The following EBF1 variants were observed in gnomAD, a reference collection of about 807,000 sequenced individuals.
EBF1 encodes the protein transcription factor COE1.
A neutral mutation model predicts 68.4 loss-of-function variants in EBF1; 10 were observed. That is an observed-to-expected ratio of 0.15 (90% CI 0.09 to 0.25). The LOEUF (loss-of-function observed/expected upper bound fraction) is 0.25, where lower values mean the gene tolerates loss of function less well. Ranked by LOEUF, EBF1 falls within the 10% of genes least tolerant of loss-of-function variation. The pLI is 1.00. For synonymous variants in EBF1, 298 were observed against 299.8 expected, an observed-to-expected ratio of 0.99 and a Z score of 0.06; for missense variants, 509 against 794.4, an observed-to-expected ratio of 0.64 and a Z score of 4.32.
chr5:158,800,931 T>C (rs898023976), intron 8 of EBF1, among the ~76,000 whole-genome samples: 36 of 152,302 alleles, frequency 2.4e-4, no homozygotes, highest in African/African-American at 8.2e-4. Context: ...AAATTTTTGA[T>C]TTAATTAATA....
intron 10 of EBF1, among the ~76,000 whole-genome samples, chr5:158,772,397 T>C (rs1774046800): frequency 6.6e-6 from 1 of 152,112 alleles, no homozygotes; most frequent in South Asian, 2.1e-4. Context: ...GGTGATAGGC[T>C]GTACTCCTGT....
intron 9 of EBF1, among the ~76,000 whole-genome samples, chr5:158,793,040 C>T (rs1206879859): frequency 6.6e-6 from 1 of 152,158 alleles, no homozygotes; most frequent in African/African-American, 2.4e-5. Context: ...AGAAGGTAAG[C>T]CCTGGGGTTG....
chr5:159,001,574 T>A (rs953475839), intron 6 of EBF1, among the ~76,000 whole-genome samples: 52 of 152,280 alleles, frequency 3.4e-4, no homozygotes, highest in Admixed American at 2.9e-3. Context: ...CTGTTATGAG[T>A]CCTTAACACA....
chr5:158,937,886 T>G (rs956995290), intron 6 of EBF1, among the ~76,000 whole-genome samples: 1 of 152,160 alleles, frequency 6.6e-6, no homozygotes, highest in African/African-American at 2.4e-5. Context: ...CACCCACCCC[T>G]TGGCCATTGT....
At chr5:159,069,507 G>A (rs1048165231) in intron 6 of EBF1, among the ~76,000 whole-genome samples, 7 of 152,062 alleles carry the variant, frequency 4.6e-5, no homozygotes, top group African/African-American at 1.7e-4. Flanking sequence ...CTCAAAGATA[G>A]TTTAGGAAAA....
intron 6 of EBF1, among the ~76,000 whole-genome samples, chr5:158,992,184 A>T (rs1221209752): frequency 6.6e-6 from 1 of 151,786 alleles, no homozygotes; most frequent in Non-Finnish European, 1.5e-5. Context: ...ACTTTCCTCA[A>T]CGTTTGCCTT....
chr5:159,087,366 A>G (rs1172916697), intron 4 of EBF1, among the ~76,000 whole-genome samples: 2 of 142,308 alleles, frequency 1.4e-5, no homozygotes, highest in Admixed American at 7.1e-5. Context: ...ACATATATAT[A>G]TACACACATA....
At chr5:158,754,142 G>A (rs1196157314) in intron 10 of EBF1, among the ~76,000 whole-genome samples, 1 of 151,962 alleles carries the variant, frequency 6.6e-6, no homozygotes, top group Non-Finnish European at 1.5e-5. Context: ...TAAACTTCTG[G>A]TCAACTACAT....
At chr5:158,949,335 G>T (rs143350358) in intron 6 of EBF1, among the ~76,000 whole-genome samples, 1 of 152,012 alleles carries the variant, frequency 6.6e-6, no homozygotes, top group Non-Finnish European at 1.5e-5. Flanking sequence ...CCTTTAAAAC[G>T]TTTTCATTAT....
intron 6 of EBF1, among the ~76,000 whole-genome samples, chr5:158,956,310 G>A (rs1470056373): frequency 6.6e-6 from 1 of 152,082 alleles, no homozygotes; most frequent in Non-Finnish European, 1.5e-5. Flanking sequence ...TCACCAGGAG[G>A]AGAATGAGAG....
intron 10 of EBF1, among the ~76,000 whole-genome samples, chr5:158,735,345 G>A (rs7723391): frequency 0.092 from 13,989 of 152,150 alleles, 1,868 homozygotes; most frequent in African/African-American, 0.29. Context: ...CAATCAGGCT[G>A]TTGAGGGGCC....
intron 6 of EBF1, among the ~76,000 whole-genome samples, chr5:159,045,347 G>A (rs990205983): frequency 6.6e-6 from 1 of 151,652 alleles, no homozygotes; most frequent in Non-Finnish European, 1.5e-5. Context: ...GTTATACACA[G>A]TTCCTCCCTC....
At chr5:158,945,941 T>C (rs1479418470) in intron 6 of EBF1, among the ~76,000 whole-genome samples, 1 of 152,206 alleles carries the variant, frequency 6.6e-6, no homozygotes, top group Non-Finnish European at 1.5e-5. Flanking sequence ...TGATCTTCAA[T>C]CTCTGATATC....
At chr5:158,974,658 ATAAAAATGTTT>A (rs1282844836) in intron 6 of EBF1, among the ~76,000 whole-genome samples, 1 of 152,232 alleles carries the variant, frequency 6.6e-6, no homozygotes, top group Non-Finnish European at 1.5e-5. Context: ...TGTGTGTATT[ATAAAAATGTTT>A]TAAAATGAAA....
At chr5:158,965,777 C>T (rs1753981803) in intron 6 of EBF1, among the ~76,000 whole-genome samples, 1 of 152,116 alleles carries the variant, frequency 6.6e-6, no homozygotes, top group Non-Finnish European at 1.5e-5. Context: ...ATAATTAATC[C>T]CTACTTTATG....
rs114244350 is a variant in EBF1, at chr5:158,743,173, G to A, written c.1037-12016C>T. Among the ~76,000 whole-genome samples, 695 of 152,238 alleles carry A rather than the reference G, an allele frequency of 4.6e-3. 4 individuals carry two copies. The highest frequency in any genetic ancestry group is 0.016 in the African/African-American group (657 of 41,548). On this transcript the variant is annotated intron_variant, in intron 10 of 15. Coordinates refer to ENST00000313708, the MANE Select transcript of EBF1 (RefSeq NM_024007.5). ...ATTATTAATGTACACTGCACAAAAG[G>A]AGGAAAAAATTAATTCTCTGTAGTA...
chr5:158,947,685 T>C (rs1048669980), intron 6 of EBF1, among the ~76,000 whole-genome samples: 1 of 152,212 alleles, frequency 6.6e-6, no homozygotes, highest in Non-Finnish European at 1.5e-5. Flanking sequence ...ATCTATGCCA[T>C]GACAATCTAT....
intron 11 of EBF1, among the ~76,000 whole-genome samples, chr5:158,726,864 C>T (rs1297831716): frequency 6.6e-6 from 1 of 152,210 alleles, no homozygotes; most frequent in Admixed American, 6.5e-5. Flanking sequence ...GCTGTGATGT[C>T]GTAGCAAGTC....
At chr5:158,749,332 C>G (rs1030426711) in intron 10 of EBF1, among the ~76,000 whole-genome samples, 1 of 152,106 alleles carries the variant, frequency 6.6e-6, no homozygotes, top group Non-Finnish European at 1.5e-5. Context: ...GATCCACCTC[C>G]CAAAATATGC....
Sources: allele counts gnomAD v4.1 joint callset (sites outside exome capture counted in the v4.1 genomes callset), GRCh38; gene constraint gnomAD v4.1.1; transcripts MANE v1.5; gene names NCBI Gene and HGNC (gene_info 2026-07-23, HGNC 2026-07-21).